ATG10: variants seen among roughly 807,000 people sequenced by gnomAD.
ATG10 encodes ubiquitin-like-conjugating enzyme ATG10.
ATG10 carries 30 observed loss-of-function variants against 32.1 expected under a neutral mutation model. That is an observed-to-expected ratio of 0.94 (90% CI 0.70 to 1.27). The LOEUF is 1.27. Among genes scored for constraint, ATG10 ranks in the 50% most tolerant of loss-of-function variants. ATG10 has a pLI of 0.00. For synonymous variants in ATG10, 87 were observed against 91.5 expected, an observed-to-expected ratio of 0.95 and a Z score of 0.28; for missense variants, 233 against 262.3, an observed-to-expected ratio of 0.89 and a Z score of 0.77.
At chr5:81,983,023 C>G (rs1761105196) in intron 1 of ATG10, among the ~76,000 whole-genome samples, 2 of 152,192 alleles carry the variant, frequency 1.3e-5, no homozygotes, top group Non-Finnish European at 1.5e-5. Context: ...TTCTATTCCA[C>G]AAAACCGCCA....
intron 5 of ATG10, among the ~76,000 whole-genome samples, chr5:82,196,425 G>A (rs796537637): frequency 4.0e-5 from 6 of 151,880 alleles, no homozygotes; most frequent in Middle Eastern, 3.4e-3. Flanking sequence ...GATTTATTTC[G>A]CCTTAGGTAT....
At chr5:82,133,950 G>T (rs1487794361) in intron 3 of ATG10, among the ~76,000 whole-genome samples, 1 of 149,664 alleles carries the variant, frequency 6.7e-6, no homozygotes, top group Non-Finnish European at 1.5e-5. Flanking sequence ...TTTGTAAGTT[G>T]TATTCCTAGG....
chr5:82,068,237 T>C (rs1463594593), intron 3 of ATG10, among the ~76,000 whole-genome samples: 2 of 152,140 alleles, frequency 1.3e-5, no homozygotes, highest in Non-Finnish European at 2.9e-5. Flanking sequence ...GATGAGTTCA[T>C]GTCCTTTGCA....
chr5:81,972,788 A>G (rs1432820472), intron 1 of ATG10, among the ~76,000 whole-genome samples: 1 of 152,188 alleles, frequency 6.6e-6, no homozygotes, highest in Non-Finnish European at 1.5e-5. Context: ...AAAAACCTAT[A>G]AAATCAAGAA....
At chr5:82,198,208 A>C (rs1744936386) in intron 5 of ATG10, among the ~76,000 whole-genome samples, 1 of 152,234 alleles carries the variant, frequency 6.6e-6, no homozygotes, top group African/African-American at 2.4e-5. Context: ...GGAGTGGTAT[A>C]AAAAATTTAC....
chr5:82,167,258 C>G (rs1743619444), intron 4 of ATG10, among the ~76,000 whole-genome samples: 1 of 152,034 alleles, frequency 6.6e-6, no homozygotes, highest in African/African-American at 2.4e-5. Context: ...TTGTTTATAT[C>G]TATAAAATGA....
intron 3 of ATG10, among the ~76,000 whole-genome samples, chr5:82,115,464 T>G (rs1765775022): frequency 6.6e-6 from 1 of 152,104 alleles, no homozygotes; most frequent in Admixed American, 6.6e-5. Context: ...GCTTTTATAC[T>G]TTTGTATGTG....
intron 1 of ATG10, among the ~76,000 whole-genome samples, chr5:81,985,138 A>G (rs566303951): frequency 7.2e-5 from 11 of 152,358 alleles, no homozygotes; most frequent in African/African-American, 2.6e-4. Context: ...AGTAAATCTC[A>G]AGTAACTGGA....
intron 3 of ATG10, among the ~76,000 whole-genome samples, chr5:82,139,664 A>G (rs1260505793): frequency 1.5e-5 from 2 of 135,714 alleles, no homozygotes; most frequent in African/African-American, 5.8e-5. Flanking sequence ...CCATCTGGGA[A>G]GTGAGGAGCG....
intron 2 of ATG10, among the ~76,000 whole-genome samples, chr5:82,003,160 AAGGTCATC>A (rs1761895859): frequency 6.6e-6 from 1 of 152,218 alleles, no homozygotes. Flanking sequence ...TATTTATGTT[AAGGTCATC>A]AGGAGCCAAG....
chr5:82,204,337 C>T (rs933208646), intron 5 of ATG10, among the ~76,000 whole-genome samples: 5 of 152,078 alleles, frequency 3.3e-5, no homozygotes, highest in South Asian at 2.1e-4. Context: ...GTGATATTCC[C>T]GTGAAGTCTT....
At chr5:82,088,565 C>G (rs1309374454) in intron 3 of ATG10, among the ~76,000 whole-genome samples, 1 of 152,164 alleles carries the variant, frequency 6.6e-6, no homozygotes, top group Non-Finnish European at 1.5e-5. Context: ...TGCGTTCCTC[C>G]TTACATATTG....
chr5:82,040,163 A>C (rs1027740258), intron 2 of ATG10, among the ~76,000 whole-genome samples: 4 of 152,326 alleles, frequency 2.6e-5, no homozygotes, highest in Admixed American at 6.5e-5. Flanking sequence ...AAGTAGTCAC[A>C]GGCTAGCCCA....
chr5:82,039,947 T>C (rs1033646914), intron 2 of ATG10, among the ~76,000 whole-genome samples: 2 of 152,194 alleles, frequency 1.3e-5, no homozygotes, highest in Non-Finnish European at 2.9e-5. Flanking sequence ...ATGGCTTCAC[T>C]AACATGCCTG....
chr5:82,125,755 G>A (rs1464902173), intron 3 of ATG10, among the ~76,000 whole-genome samples: 8 of 151,910 alleles, frequency 5.3e-5, no homozygotes, highest in African/African-American at 1.9e-4. Context: ...TTGGCTATGA[G>A]GGCTCTTTTT....
chr5:82,181,014 A>G lies in ATG10; in HGVS notation c.453+2427A>G, dbSNP rs189124957. ...CTGTATATAGATTATTTTTAATAGA[A>G]TTGACGAATGTCTTTCATTTTATAG... On this transcript the variant is annotated intron_variant, in intron 5 of 7. Coordinates refer to ENST00000282185, the MANE Select transcript of ATG10 (RefSeq NM_031482.5). 6.6e-5 allele frequency among the ~76,000 whole-genome samples: 10 copies of G among 152,294 alleles called. No individual in the cohort carries two copies. The East Asian group carries it at 1.7e-3, about 26-fold the overall frequency.
intron 3 of ATG10, among the ~76,000 whole-genome samples, chr5:82,158,273 A>G (rs1378546357): frequency 6.6e-6 from 1 of 152,214 alleles, no homozygotes; most frequent in Admixed American, 6.5e-5. Context: ...TTCATGAAAT[A>G]GCAACATTTT....
At chr5:81,983,838 G>A (rs2149661666) in intron 1 of ATG10, among the ~76,000 whole-genome samples, 1 of 152,068 alleles carries the variant, frequency 6.6e-6, no homozygotes, top group Middle Eastern at 3.4e-3. Context: ...TCGTGGCCAG[G>A]CAGAGACGCT....
chr5:82,224,967 T>A (rs1326965866), intron 5 of ATG10, among the ~76,000 whole-genome samples: 4 of 152,208 alleles, frequency 2.6e-5, no homozygotes, highest in Non-Finnish European at 4.4e-5. Context: ...AACTACAAAC[T>A]TACATGAATG....
Sources: allele counts gnomAD v4.1 joint callset (sites outside exome capture counted in the v4.1 genomes callset), GRCh38; gene constraint gnomAD v4.1.1; transcripts MANE v1.5; gene names NCBI Gene and HGNC (gene_info 2026-07-23, HGNC 2026-07-21).